RIF1: variants seen among roughly 807,000 people sequenced by gnomAD.
RIF1 encodes replication timing regulatory factor 1.
In RIF1, 45 loss-of-function variants were observed where a neutral mutation model predicts 247.1. The ratio of observed to expected loss-of-function variants is 0.18; its 90% confidence interval spans 0.14 to 0.23. The LOEUF (loss-of-function observed/expected upper bound fraction) is 0.23, where lower values mean the gene tolerates loss of function less well. Among genes scored for constraint, RIF1 ranks in the 10% least tolerant of loss-of-function variants. The pLI, the probability that RIF1 is intolerant of heterozygous loss-of-function variation, is 1.00. For synonymous variants in RIF1, 1,087 were observed against 978.8 expected (o/e 1.11, Z -2.06); for missense variants, 2,967 against 2,862.5 (o/e 1.04, Z -0.83).
chr2:151,474,994 C>T lies in RIF1; in HGVS notation c.7342C>T (p.Leu2448=). Residue 2448 remains leucine, a synonymous_variant, in exon 36 of 36, where the codon CTA becomes TTA. Transcript: ENST00000444746. ...CCAACTATTTGAAATGCACGAGAAA[C>T]TAAGTTGTATGGCAAACTCTGTAAT... is the stretch of plus-strand genomic sequence containing the variant. ...GSQLFEMHEK[L]SCMANSVIKN... The T allele has an allele frequency of 1.2e-6, 2 of 1,613,656 alleles. No homozygotes were observed. Among genetic ancestry groups the T allele is most frequent in the South Asian group, 2.2e-5 (2 of 91,076 alleles).
chr2:151,460,218 TAAAG>T, intron 26 of RIF1, 99 bp downstream of exon 26: 2 of 992,956 alleles, frequency 2.0e-6, no homozygotes, highest in Non-Finnish European at 2.8e-6. Flanking sequence ...AAAGACTAAA[TAAAG>T]GTTGGGATTG....
chr2:151,516,429 T>G, the RIF1 span: 1 of 1,440,280 alleles, frequency 6.9e-7, no homozygotes, highest in Non-Finnish European at 9.8e-7. Context: ...TGATGGATCA[T>G]TGTTGTGTGG....
At chr2:151,468,438 T>C in intron 31 of RIF1, 36 bp from the exon 32 acceptor site, 1 of 1,490,816 alleles carries the variant, frequency 6.7e-7, no homozygotes, top group Non-Finnish European at 9.3e-7. Flanking sequence ...TCATCTAGGG[T>C]TCTGAGTGTT....
chr2:151,473,845 T>C, intron 34 of RIF1, 119 bp from the exon 35 acceptor site: 1 of 672,596 alleles, frequency 1.5e-6, no homozygotes, highest in South Asian at 1.7e-5. Context: ...TGATGGGTGG[T>C]AGAACATAGG....
At position 151,435,483 on chromosome 2, in the gene RIF1, A is replaced by C. The variant is rs148187328; in HGVS notation, c.1098A>C (p.Gln366His). 2 of 1,609,904 alleles carry C rather than the reference A, an allele frequency of 1.2e-6. No homozygotes were observed. Among genetic ancestry groups the C allele is most frequent in the South Asian group, 2.2e-5 (2 of 90,966 alleles). Residue 366 changes from glutamine (Q) to histidine (H), a missense_variant, in exon 11 of 36, where the codon CAA (glutamine) becomes CAC (histidine). Physicochemically the swap from Gln to His is conservative, Grantham distance 24. Transcript: ENST00000444746. ...NFEQVCVPLI[Q>H]STISIDSNAS... Reference sequence around the variant, plus strand: ...CATAGGTTTGTGTGCCTCTGATTCAAAGTACAATAAGCATTGATTCTAATG... The same window carrying C: ...CATAGGTTTGTGTGCCTCTGATTCACAGTACAATAAGCATTGATTCTAATG...
rs1240778267 is a variant in RIF1, at chr2:151,479,461, T to C, written c.*4390T>C. On this transcript the variant is annotated 3_prime_UTR_variant, in exon 36 of 36. Coordinates refer to ENST00000444746, the MANE Select transcript of RIF1 (RefSeq NM_018151.5). ...TAAGTATTAGAATATATTTAGTCTCTAAATAAATCTTGCCTTCTATTATGG... is the reference window on the plus strand; with the variant it reads ...TAAGTATTAGAATATATTTAGTCTCCAAATAAATCTTGCCTTCTATTATGG... 2 of 152,188 alleles carry C rather than the reference T, an allele frequency of 1.3e-5. No homozygotes were observed. Among genetic ancestry groups the C allele is most frequent in the African/African-American group, 4.8e-5 (2 of 41,454 alleles). The allele number at this position is 152,188 out of a possible 1,614,324, so 9.4% of individuals were successfully genotyped here.
intron 23 of RIF1, among the ~76,000 whole-genome samples, 189 bp from the exon 24 acceptor site, chr2:151,457,572 G>T (rs568538325): frequency 6.7e-6 from 1 of 149,788 alleles, no homozygotes; most frequent in Non-Finnish European, 1.5e-5. Context: ...GTTCAAAATT[G>T]AACTGTAATA....
chr2:151,456,757 CATTTTGCTCTTGTCA>C lies in RIF1; in HGVS notation c.2652+138_2652+152del, dbSNP rs1695260532. 65 of 521,396 alleles carry C rather than the reference CATTTTGCTCTTGTCA, an allele frequency of 1.2e-4. No individual in the cohort carries two copies. In the South Asian group the frequency reaches 1.7e-3, roughly 14 times the overall value. 32.3% of individuals were successfully genotyped at this position (521,396 alleles called of 1,614,324 possible). A position where few individuals can be genotyped will look rare whatever the true frequency, so the allele number is the denominator to read the frequency against. On this transcript the variant is annotated intron_variant, in intron 23 of 35. Coordinates refer to ENST00000444746, the MANE Select transcript of RIF1 (RefSeq NM_018151.5). ...TTCTTTCTTTTTTTCCTGGAGACAGCATTTTGCTCTTGTCACCCAAGCTGGAGTGCAGTGGCAGGA... is the reference window on the plus strand; with the variant it reads ...TTCTTTCTTTTTTTCCTGGAGACAGCCCCAAGCTGGAGTGCAGTGGCAGGA...
chr2:151,458,057 T>C, intron 24 of RIF1, 94 bp downstream of exon 24: 1 of 851,354 alleles, frequency 1.2e-6, no homozygotes, highest in Non-Finnish European at 1.8e-6. Context: ...TTATGGGGTA[T>C]TGTTACAGAG....
In RIF1 at chr2:151,479,854, A is replaced by G. The variant is rs1281245094; in HGVS notation, c.*4783A>G. ...TTTAAAAATTTATCAAAATTTATTGATAGTTTGATCTGTAAAACAAATTGG... is the reference window on the plus strand; with the variant it reads ...TTTAAAAATTTATCAAAATTTATTGGTAGTTTGATCTGTAAAACAAATTGG... On this transcript the variant is annotated 3_prime_UTR_variant, in exon 36 of 36. Transcript: ENST00000444746. 6.6e-6 allele frequency: 1 copy of G among 152,214 alleles called. No homozygotes were observed. Among genetic ancestry groups the G allele is most frequent in the Non-Finnish European group, 1.5e-5 (1 of 68,034 alleles). 9.4% of individuals were successfully genotyped at this position (152,214 alleles called of 1,614,324 possible).
intron 11 of RIF1, among the ~76,000 whole-genome samples, chr2:151,500,419 A>G (rs2063518349): frequency 2.2e-5 from 2 of 90,616 alleles, no homozygotes; most frequent in Non-Finnish European, 5.1e-5. Flanking sequence ...AGAGTTGTAT[A>G]TAATACACAA....
intron 27 of RIF1, among the ~76,000 whole-genome samples, chr2:151,461,698 AC>A (rs967615101): frequency 1.3e-5 from 2 of 151,898 alleles, no homozygotes; most frequent in African/African-American, 4.8e-5. Context: ...GGCCACGTGT[AC>A]TAAATTTTAA....
intron 9 of RIF1, chr2:151,495,183 T>C (rs1448671419): frequency 2.6e-5 from 4 of 152,212 alleles, no homozygotes; most frequent in Non-Finnish European, 2.9e-5. Context: ...ATGAGAAACA[T>C]AGTAACACAT....
At position 151,499,382 on chromosome 2, in the gene RIF1, ATACAACACC is replaced by A. The variant is rs1423137705; in HGVS notation, c.*553_*561del. On this transcript the variant is annotated 3_prime_UTR_variant and NMD_transcript_variant, in exon 11 of 14. Coordinates refer to the RIF1 transcript ENST00000454583. ...GAATCCCTTTTCCAACGTTTTCTTT[ATACAACACC>A]TGTATGACACAAGAAAGCATCCAGA... 6.5e-7 allele frequency: 1 copy of A among 1,530,862 alleles called. No individual in the cohort carries two copies. The highest frequency in any genetic ancestry group is 2.5e-5 in the East Asian group (1 of 40,630). The allele number at this position is 1,530,862 out of a possible 1,614,324, so 94.8% of individuals were successfully genotyped here. A position where few individuals can be genotyped will look rare whatever the true frequency, so the allele number is the denominator to read the frequency against.
chr2:151,433,219 T>C lies in RIF1; in HGVS notation c.1068T>C (p.Asn356=). The C allele has an allele frequency of 1.2e-6, 2 of 1,611,894 alleles. No homozygotes were observed. Among genetic ancestry groups the C allele is most frequent in the Non-Finnish European group, 1.7e-6 (2 of 1,178,544 alleles). Residue 356 remains asparagine, a synonymous_variant, in exon 10 of 36, where the codon AAT becomes AAC. Coordinates refer to ENST00000444746, the MANE Select transcript of RIF1 (RefSeq NM_018151.5). ...LMRLGPHLPA[N]FEQVCVPLIQ... ...GACTTGGACCTCATCTTCCTGCTAATTTTGAACAGGTAACATTACAAGTGT... is the reference window on the plus strand; with the variant it reads ...GACTTGGACCTCATCTTCCTGCTAACTTTGAACAGGTAACATTACAAGTGT...
chr2:151,475,324 G>C lies in RIF1; in HGVS notation c.*253G>C, dbSNP rs2048876543. 2.4e-6 allele frequency: 1 copy of C among 423,838 alleles called. No homozygotes were observed. Among genetic ancestry groups the C allele is most frequent in the South Asian group, 2.6e-5 (1 of 38,070 alleles). 26.3% of individuals were successfully genotyped at this position (423,838 alleles called of 1,614,324 possible). A position where few individuals can be genotyped will look rare whatever the true frequency, so the allele number is the denominator to read the frequency against. ...TTTCAGGAAATTTAATTATCTTACT[G>C]AGATGTGAAAGCAAAACTAGTAACA... On this transcript the variant is annotated 3_prime_UTR_variant, in exon 36 of 36. Transcript: ENST00000444746.
the RIF1 span, chr2:151,518,898 G>T: frequency 1.9e-6 from 2 of 1,052,594 alleles, no homozygotes; most frequent in South Asian, 2.6e-5. Flanking sequence ...GATGCATCTG[G>T]GCTCAGAAAG....
chr2:151,478,222 AACCCGC>A lies in RIF1; in HGVS notation c.*3154_*3159del, dbSNP rs1394998605. The A allele has an allele frequency of 6.6e-6, 1 of 152,246 alleles. No homozygotes were observed. The highest frequency in any genetic ancestry group is 6.5e-5 in the Admixed American group (1 of 15,284). The allele number at this position is 152,246 out of a possible 1,614,324, so 9.4% of individuals were successfully genotyped here. On this transcript the variant is annotated 3_prime_UTR_variant, in exon 36 of 36. Coordinates refer to ENST00000444746, the MANE Select transcript of RIF1 (RefSeq NM_018151.5). ...ATAATACAGGCAAAAACAGGATTTA[AACCCGC>A]ACATTAAAAGCATGACTGAAGGCCC...
At chr2:151,437,038 A>G in intron 12 of RIF1, 35 bp downstream of exon 12, 3 of 1,564,060 alleles carry the variant, frequency 1.9e-6, no homozygotes, top group South Asian at 1.2e-5. Flanking sequence ...TTTAATTACT[A>G]AAACAGTCTA....
Sources: allele counts gnomAD v4.1 joint callset (sites outside exome capture counted in the v4.1 genomes callset), GRCh38; gene constraint gnomAD v4.1.1; transcripts MANE v1.5; gene names NCBI Gene and HGNC (gene_info 2026-07-23, HGNC 2026-07-21).